The following NRXN3 variants were observed in gnomAD, a reference collection of about 807,000 sequenced individuals.
NRXN3 encodes neurexin 3, also known as neurexin III.
A neutral mutation model predicts 137.6 loss-of-function variants in NRXN3; 32 were observed. The ratio of observed to expected loss-of-function variants is 0.23; its 90% confidence interval spans 0.18 to 0.31. The LOEUF (loss-of-function observed/expected upper bound fraction) is 0.31. NRXN3 is among the 10% of genes least tolerant of loss of function. The pLI, the probability that NRXN3 is intolerant of heterozygous loss-of-function variation, is 1.00. For synonymous variants in NRXN3, 798 were observed against 784.5 expected, an observed-to-expected ratio of 1.02 and a Z score of -0.29; for missense variants, 1,574 against 2,062.5, an observed-to-expected ratio of 0.76 and a Z score of 4.59.
At chr14:78,175,709 G>T (rs1017171593) in intron 1 of NRXN3, among the ~76,000 whole-genome samples, 2 of 152,236 alleles carry the variant, frequency 1.3e-5, no homozygotes, top group East Asian at 3.9e-4. Flanking sequence ...TGCTGAGCTC[G>T]GGGCAGGGAC....
chr14:78,875,810 T>C (rs1470343813), intron 10 of NRXN3, among the ~76,000 whole-genome samples: 2 of 152,210 alleles, frequency 1.3e-5, no homozygotes, highest in East Asian at 3.8e-4. Context: ...TCAGTAAATA[T>C]TTGCAGAAAG....
At chr14:78,192,011 G>A (rs1260888490) in intron 1 of NRXN3, among the ~76,000 whole-genome samples, 1 of 151,932 alleles carries the variant, frequency 6.6e-6, no homozygotes, top group Non-Finnish European at 1.5e-5. Flanking sequence ...GGGCTGCCAC[G>A]AGGCCCCTTT....
intron 8 of NRXN3, among the ~76,000 whole-genome samples, chr14:78,761,628 G>C (rs183592697): frequency 1.3e-5 from 2 of 152,082 alleles, no homozygotes; most frequent in Non-Finnish European, 2.9e-5. Context: ...TCTTATCAGG[G>C]TGCTAAAACT....
At chr14:79,283,414 A>C (rs1024945008) in intron 15 of NRXN3, among the ~76,000 whole-genome samples, 1 of 152,116 alleles carries the variant, frequency 6.6e-6, no homozygotes, top group African/African-American at 2.4e-5. Flanking sequence ...TTTCTCTACT[A>C]TCCAGACCTA....
rs567489162 is a variant in NRXN3 at position 79,440,890 on chromosome 14, C to T, written c.3263-26331C>T. The stretch of plus-strand genomic sequence containing the variant: ...GTTCTTTATTAATAGATATATGAGA[C>T]TCTGGGGTAATAGGTTGCTAGATCC... On this transcript the variant is annotated intron_variant, in intron 15 of 20. Transcript: ENST00000335750. 3.9e-5 allele frequency among the ~76,000 whole-genome samples: 6 copies of T among 152,084 alleles called. No homozygotes were observed. In the South Asian group the frequency reaches 1.2e-3, roughly 32 times the overall value.
intron 6 of NRXN3, among the ~76,000 whole-genome samples, chr14:78,663,727 C>G (rs1470423675): frequency 6.6e-6 from 1 of 151,770 alleles, no homozygotes; most frequent in Non-Finnish European, 1.5e-5. Context: ...TTTTGCTCGT[C>G]AAGATAAATT....
intron 20 of NRXN3, among the ~76,000 whole-genome samples, chr14:79,851,760 C>A (rs1298528842): frequency 6.6e-6 from 1 of 152,154 alleles, no homozygotes; most frequent in African/African-American, 2.4e-5. Context: ...GAGGCCATTT[C>A]TAAAAATTCC....
rs549647472 is a variant in NRXN3 at position 78,951,613 on chromosome 14, T to A, written c.2276-5629T>A. Among the ~76,000 whole-genome samples the A allele has an allele frequency of 5.3e-5, 8 of 152,252 alleles. No individual in the cohort carries two copies. In the East Asian group the frequency reaches 1.5e-3, roughly 29 times the overall value. ...CTCAACCCTATCTAAAATTATCTCA[T>A]GTTCCTTAATTTGTGTATTGTCTAT... On this transcript the variant is annotated intron_variant, in intron 10 of 20. Transcript: ENST00000335750.
chr14:78,894,795 A>G (rs1210525940), intron 10 of NRXN3, among the ~76,000 whole-genome samples: 1 of 151,774 alleles, frequency 6.6e-6, no homozygotes, highest in Non-Finnish European at 1.5e-5. Context: ...ATGTTACGTT[A>G]GCAGACATGA....
At chr14:79,277,433 T>C (rs1246849160) in intron 15 of NRXN3, among the ~76,000 whole-genome samples, 1 of 152,144 alleles carries the variant, frequency 6.6e-6, no homozygotes, top group African/African-American at 2.4e-5. Context: ...ATCATGGATA[T>C]TTAGGATATT....
chr14:78,726,259 T>C (rs1200193757), intron 8 of NRXN3, among the ~76,000 whole-genome samples: 2 of 152,118 alleles, frequency 1.3e-5, no homozygotes, highest in Non-Finnish European at 2.9e-5. Context: ...TTTACATAGG[T>C]ATACATGTGC....
intron 15 of NRXN3, among the ~76,000 whole-genome samples, chr14:79,378,585 G>A (rs572652310): frequency 2.0e-5 from 3 of 152,290 alleles, no homozygotes; most frequent in African/African-American, 7.2e-5. Context: ...CTCTATTATG[G>A]TGCATACCAT....
Position 79,284,425 on chromosome 14 carries a change from T to C in NRXN3, c.3263-182796T>C, listed in dbSNP as rs147832734. On this transcript the variant is annotated intron_variant, in intron 15 of 20. Coordinates refer to ENST00000335750, the MANE Select transcript of NRXN3 (RefSeq NM_001330195.2). ...CATCTGCCTAAAAAATGCTTCAGTA[T>C]TTATAGTTTAAATGCAGGTTTCTCT... Among the ~76,000 whole-genome samples the C allele has an allele frequency of 3.8e-3, 547 of 145,366 alleles. 1 individual carries two copies. The highest frequency in any genetic ancestry group is 5.6e-3 in the Non-Finnish European group (375 of 66,470).
intron 15 of NRXN3, among the ~76,000 whole-genome samples, chr14:79,187,599 TG>T: frequency 5.8e-5 from 1 of 17,110 alleles, no homozygotes; most frequent in Non-Finnish European, 1.3e-4. Context: ...TGTGTAAGCA[TG>T]CAGTGAGCCG....
chr14:79,696,969 G>T (rs2098737804), intron 18 of NRXN3, among the ~76,000 whole-genome samples: 1 of 151,844 alleles, frequency 6.6e-6, no homozygotes, highest in African/African-American at 2.4e-5. Context: ...CAAATTAATA[G>T]AGATAGGAAT....
At chr14:78,194,098 A>G (rs2061002071) in intron 1 of NRXN3, among the ~76,000 whole-genome samples, 1 of 152,158 alleles carries the variant, frequency 6.6e-6, no homozygotes, top group South Asian at 2.1e-4. Flanking sequence ...CGAGGACATG[A>G]TGTGCGACCC....
chr14:78,545,212 T>A (rs1234630736), intron 4 of NRXN3, among the ~76,000 whole-genome samples: 2 of 152,188 alleles, frequency 1.3e-5, no homozygotes, highest in African/African-American at 2.4e-5. Context: ...TGGCACCCTG[T>A]GCTCTGAGGT....
At chr14:78,282,443 C>T (rs770164370) in intron 3 of NRXN3, 41 of 253,110 alleles carry the variant, frequency 1.6e-4, no homozygotes, top group Non-Finnish European at 3.1e-4. Flanking sequence ...CTCTCTCCTC[C>T]GAAGGGATAA....
chr14:79,550,260 T>G (rs2097361627), intron 16 of NRXN3, among the ~76,000 whole-genome samples: 1 of 152,098 alleles, frequency 6.6e-6, no homozygotes, highest in African/African-American at 2.4e-5. Context: ...TGAGCCACCA[T>G]GCCTGGCCTC....
Sources: gnomAD v4.1 joint callset for allele counts (sites outside exome capture counted in the v4.1 genomes callset) on GRCh38, gnomAD v4.1.1 for gene constraint, MANE v1.5 for transcripts, NCBI Gene and HGNC (gene_info 2026-07-23, HGNC 2026-07-21) for gene names.